Variants in ARHGAP6 observed in about 807,000 individuals in gnomAD.
The protein encoded by ARHGAP6 is rho GTPase-activating protein 6.
Under a neutral mutation model 55.7 loss-of-function variants are expected in ARHGAP6, and 16 were observed. The ratio of observed to expected loss-of-function variants is 0.29; its 90% CI spans 0.19 to 0.44. The LOEUF (loss-of-function observed/expected upper bound fraction) is 0.44. Among genes scored for constraint, ARHGAP6 ranks in the 20% least tolerant of loss-of-function variants. ARHGAP6 has a pLI of 1.00. For synonymous variants in ARHGAP6, 382 were observed against 360.9 expected (o/e 1.06, Z -0.66); for missense variants, 698 against 808.9 (o/e 0.86, Z 1.66).
intron 1 of ARHGAP6, among the ~76,000 whole-genome samples, chrX:11,267,675 A>T (rs1448969263): frequency 8.9e-6 from 1 of 112,501 alleles, no homozygotes; most frequent in African/African-American, 3.2e-5. Flanking sequence ...GTTTCGTAAG[A>T]AGGTGACTAA....
intron 1 of ARHGAP6, among the ~76,000 whole-genome samples, chrX:11,327,897 C>T (rs1409096436): frequency 8.9e-6 from 1 of 111,880 alleles, no homozygotes; most frequent in Non-Finnish European, 1.9e-5. Context: ...TTTGATTATT[C>T]TACACCATTA....
intron 1 of ARHGAP6, among the ~76,000 whole-genome samples, chrX:11,372,005 A>G (rs2049148822): frequency 8.9e-6 from 1 of 112,566 alleles, no homozygotes; most frequent in Non-Finnish European, 1.9e-5. Flanking sequence ...AATGGAGAAG[A>G]GGGTTATTTC....
At chrX:11,465,026 G>A (rs976481394) in intron 1 of ARHGAP6, among the ~76,000 whole-genome samples, 6 of 111,586 alleles carry the variant, frequency 5.4e-5, no homozygotes, top group Non-Finnish European at 7.5e-5. Context: ...AGGTCGCCAC[G>A]CATCACTCAT....
chrX:11,389,881 C>A (rs1253824952), intron 1 of ARHGAP6, among the ~76,000 whole-genome samples: 1 of 111,606 alleles, frequency 9.0e-6, no homozygotes, highest in Admixed American at 9.5e-5. Context: ...ATCATGCATC[C>A]CAGTCTCTGA....
At chrX:11,204,562 T>C in intron 2 of ARHGAP6, among the ~76,000 whole-genome samples, 1 of 112,038 alleles carries the variant, frequency 8.9e-6, no homozygotes, top group Non-Finnish European at 1.9e-5. Flanking sequence ...TTGCAAACTC[T>C]TAAACACATA....
intron 1 of ARHGAP6, among the ~76,000 whole-genome samples, chrX:11,420,882 G>A (rs775939458): frequency 8.9e-6 from 1 of 112,127 alleles, no homozygotes; most frequent in Non-Finnish European, 1.9e-5. Flanking sequence ...TTTGTTAAAC[G>A]GGTATTCTGG....
At chrX:11,516,726 G>C (rs989525678) in intron 1 of ARHGAP6, among the ~76,000 whole-genome samples, 1 of 111,609 alleles carries the variant, frequency 9.0e-6, no homozygotes, top group East Asian at 2.8e-4. Context: ...AACATATTTT[G>C]TATGTTTTTA....
intron 1 of ARHGAP6, among the ~76,000 whole-genome samples, chrX:11,360,229 C>T (rs1383266213): frequency 1.0e-4 from 11 of 110,168 alleles, no homozygotes; most frequent in East Asian, 5.7e-4. Context: ...ACCAATATCC[C>T]TGATGAACAT....
chrX:11,223,270 T>A (rs1231973902), intron 2 of ARHGAP6: 1 of 146,264 alleles, frequency 6.8e-6, no homozygotes, highest in East Asian at 2.7e-4. Flanking sequence ...CAACTAAAAA[T>A]GCATGATTGT....
intron 1 of ARHGAP6, among the ~76,000 whole-genome samples, chrX:11,377,663 C>T (rs1380334021): frequency 8.9e-6 from 1 of 111,847 alleles, no homozygotes; most frequent in Non-Finnish European, 1.9e-5. Context: ...TTCAATGTCA[C>T]CTTTGATTAG....
chrX:11,649,684 T>G (rs962160380), intron 1 of ARHGAP6, among the ~76,000 whole-genome samples: 1 of 112,120 alleles, frequency 8.9e-6, no homozygotes, highest in Non-Finnish European at 1.9e-5. Context: ...TCACAAAGTT[T>G]TAAAAACTTG....
At chrX:11,345,675 C>T (rs1388402353) in intron 1 of ARHGAP6, among the ~76,000 whole-genome samples, 1 of 111,818 alleles carries the variant, frequency 8.9e-6, no homozygotes, top group East Asian at 2.8e-4. Context: ...ACAGTGTCTA[C>T]CTCAGTTTAT....
intron 1 of ARHGAP6, among the ~76,000 whole-genome samples, chrX:11,558,346 C>G (rs972798949): frequency 1.8e-5 from 2 of 111,601 alleles, no homozygotes; most frequent in Non-Finnish European, 3.8e-5. Context: ...TGAACATCGC[C>G]AAACATCATG....
At chrX:11,526,778 C>T (rs2050993173) in intron 1 of ARHGAP6, among the ~76,000 whole-genome samples, 1 of 111,332 alleles carries the variant, frequency 9.0e-6, no homozygotes, top group African/African-American at 3.3e-5. Flanking sequence ...CTGTTAGATG[C>T]TACTTGTGTT....
intron 1 of ARHGAP6, among the ~76,000 whole-genome samples, chrX:11,539,104 G>A (rs953867830): frequency 6.3e-5 from 7 of 110,782 alleles, no homozygotes; most frequent in East Asian, 2.8e-4. Flanking sequence ...CAATCCACCC[G>A]CCTCGGCCTC....
intron 1 of ARHGAP6, among the ~76,000 whole-genome samples, chrX:11,571,735 A>ATAATAATAATAC (rs1412516274): frequency 9.4e-6 from 1 of 106,929 alleles, no homozygotes; most frequent in African/African-American, 3.4e-5. Context: ...AATAATAATA[A>ATAATAATAATAC]TAATTAGCTG....
intron 1 of ARHGAP6, among the ~76,000 whole-genome samples, chrX:11,410,281 A>G (rs1262515827): frequency 8.9e-6 from 1 of 112,602 alleles, no homozygotes; most frequent in African/African-American, 3.2e-5. Context: ...ATGATGAAAT[A>G]TTATATGGTG....
At chrX:11,248,591 T>C (rs1348430617) in intron 2 of ARHGAP6, among the ~76,000 whole-genome samples, 3 of 110,889 alleles carry the variant, frequency 2.7e-5, no homozygotes, top group Non-Finnish European at 5.7e-5. Context: ...AACAATCCCA[T>C]CAAAAAGTGG....
chrX:11,564,435 T>C (rs781135041), intron 1 of ARHGAP6, among the ~76,000 whole-genome samples: 2 of 111,231 alleles, frequency 1.8e-5, no homozygotes, highest in East Asian at 5.6e-4. Context: ...TGCTTAGGTA[T>C]AGTACTTTTT....
Sources: allele counts gnomAD v4.1 joint callset (sites outside exome capture counted in the v4.1 genomes callset), GRCh38; gene constraint gnomAD v4.1.1; transcripts MANE v1.5; gene names NCBI Gene and HGNC (gene_info 2026-07-23, HGNC 2026-07-21).